Variants in FBXO34 observed in about 807,000 individuals in gnomAD.
The protein encoded by FBXO34 is F-box protein 34.
A neutral mutation model predicts 24.5 loss-of-function variants in FBXO34; 12 were observed. The observed-to-expected ratio is 0.49, with a 90% CI of 0.31 to 0.79. The LOEUF is 0.79. Among genes scored for constraint, FBXO34 ranks in the 30% least tolerant of loss-of-function variants. The probability of loss-of-function intolerance (pLI) is 0.04; values close to 1 mark genes in which losing one functional copy is unlikely to be tolerated. For missense variants in FBXO34, 823 were observed against 857.7 expected (o/e 0.96, Z 0.51); for synonymous variants, 320 against 311.9 (o/e 1.03, Z -0.27).
chr14:55,286,574 A>G (rs1881767767), intron 1 of FBXO34, among the ~76,000 whole-genome samples: 1 of 152,226 alleles, frequency 6.6e-6, no homozygotes, highest in Non-Finnish European at 1.5e-5. Flanking sequence ...TTATGGAATA[A>G]TACAGATAAC....
At chr14:55,338,443 G>C (rs1164909837) in intron 1 of FBXO34, among the ~76,000 whole-genome samples, 2 of 152,092 alleles carry the variant, frequency 1.3e-5, no homozygotes, top group Non-Finnish European at 2.9e-5. Flanking sequence ...TTGTAGATAA[G>C]AGTATGTACT....
At chr14:55,327,350 A>G (rs906338824) in intron 1 of FBXO34, among the ~76,000 whole-genome samples, 2 of 152,208 alleles carry the variant, frequency 1.3e-5, no homozygotes, top group Non-Finnish European at 2.9e-5. Context: ...AGGGTGTGGT[A>G]CAGAAAATGA....
chr14:55,304,246 A>C (rs1204940879), intron 1 of FBXO34, among the ~76,000 whole-genome samples: 1 of 152,186 alleles, frequency 6.6e-6, no homozygotes, highest in Non-Finnish European at 1.5e-5. Flanking sequence ...TGTACTTTTT[A>C]TGTTAGGAAT....
chr14:55,380,477 T>TAA, the FBXO34 span: 22 of 798,886 alleles, frequency 2.8e-5, no homozygotes, highest in African/African-American at 3.1e-4. Context: ...TGGTAATACT[T>TAA]ACATTCTTAT....
chr14:55,399,526 A>G, the FBXO34 span, among the ~76,000 whole-genome samples: 5 of 152,220 alleles, frequency 3.3e-5, no homozygotes, highest in Admixed American at 3.3e-4. Context: ...ATGTACCTGC[A>G]ACACAAAACA....
At chr14:55,353,669 G>C (rs1884470231), downstream of FBXO34, 1 of 166,822 alleles carries the variant, frequency 6.0e-6, no homozygotes. Flanking sequence ...GAAGGTTCTT[G>C]TGAATTGAAT....
At chr14:55,366,140 G>A (rs752930822), downstream of FBXO34, among the ~76,000 whole-genome samples, 13 of 152,092 alleles carry the variant, frequency 8.5e-5, no homozygotes, top group Non-Finnish European at 1.5e-4. Context: ...ATCAAATGAT[G>A]GCTACCAAAG....
chr14:55,409,995 G>GT, the FBXO34 span, among the ~76,000 whole-genome samples: 1 of 151,806 alleles, frequency 6.6e-6, no homozygotes, highest in South Asian at 2.1e-4. Context: ...GGGATTTGTT[G>GT]TAAGATAAGT....
the FBXO34 span, among the ~76,000 whole-genome samples, chr14:55,421,376 T>C: frequency 6.6e-6 from 1 of 152,210 alleles, no homozygotes. Flanking sequence ...TCTTAATTAC[T>C]CCAGACTCTA....
At chr14:55,362,478 G>T (rs1884605791), downstream of FBXO34, among the ~76,000 whole-genome samples, 1 of 152,118 alleles carries the variant, frequency 6.6e-6, no homozygotes, top group African/African-American at 2.4e-5. Context: ...CCTTCAATTT[G>T]TAAAAAACCC....
intron 1 of FBXO34, among the ~76,000 whole-genome samples, chr14:55,321,978 A>G (rs1883149025): frequency 1.3e-5 from 2 of 152,226 alleles, no homozygotes; most frequent in African/African-American, 2.4e-5. Flanking sequence ...AATAGCTGCA[A>G]AAAAATCTCT....
downstream of FBXO34, among the ~76,000 whole-genome samples, chr14:55,365,204 C>CT (rs1884653047): frequency 7.2e-6 from 1 of 139,754 alleles, no homozygotes; most frequent in Non-Finnish European, 1.5e-5. Context: ...AAGTGAGACT[C>CT]TATCATCTCT....
chr14:55,431,818 C>T, the FBXO34 span, among the ~76,000 whole-genome samples: 2 of 152,204 alleles, frequency 1.3e-5, no homozygotes, highest in Admixed American at 1.3e-4. Context: ...TTCAGTCCCT[C>T]AGTTGTATTA....
the FBXO34 span, among the ~76,000 whole-genome samples, chr14:55,429,989 A>G: frequency 2.0e-5 from 3 of 152,054 alleles, no homozygotes; most frequent in Non-Finnish European, 4.4e-5. Flanking sequence ...CTTCAATTCA[A>G]TTCAAACTCA....
rs1300740808 is a variant in FBXO34 at position 55,352,705 on chromosome 14, CTTG to C, written c.*185_*187del. ...TTACGAGCTGTACAAAAAAATTGGT[CTTG>C]TTGTTTATAGTGGCATCTCATGTTT... On this transcript the variant is annotated 3_prime_UTR_variant, in exon 2 of 2. Coordinates refer to ENST00000313833, the MANE Select transcript of FBXO34 (RefSeq NM_017943.4). 6.6e-6 allele frequency: 4 copies of C among 606,212 alleles called. No individual in the cohort carries two copies. The highest frequency in any genetic ancestry group is 3.7e-5 in the African/African-American group (2 of 53,804). The allele number at this position is 606,212 out of a possible 1,614,324, so 37.6% of individuals were successfully genotyped here. A position where few individuals can be genotyped will look rare whatever the true frequency, so the allele number is the denominator to read the frequency against.
chr14:55,402,942 TATATATATATATATATATATATATATAA>T, the FBXO34 span, among the ~76,000 whole-genome samples: 61 of 48,160 alleles, frequency 1.3e-3, 3 homozygotes, highest in Non-Finnish European at 2.1e-3. Flanking sequence ...TATATATATA[TATATATATATATATATATATATATATAA>T]ATAGCTGGGC....
intron 1 of FBXO34, chr14:55,285,692 A>T (rs1178760091): frequency 2.0e-5 from 3 of 152,198 alleles, no homozygotes; most frequent in African/African-American, 7.2e-5. Flanking sequence ...CTGCCAGCTC[A>T]TTTGTTGGTC....
At chr14:55,314,156 C>G (rs1213193335) in intron 1 of FBXO34, among the ~76,000 whole-genome samples, 1 of 152,062 alleles carries the variant, frequency 6.6e-6, no homozygotes, top group East Asian at 1.9e-4. Flanking sequence ...AGTGATCCTT[C>G]CAGTTAGGCC....
At chr14:55,388,116 G>A in the FBXO34 span, among the ~76,000 whole-genome samples, 3 of 152,200 alleles carry the variant, frequency 2.0e-5, no homozygotes, top group African/African-American at 4.8e-5. Flanking sequence ...CAGCCTGGGC[G>A]AAAGAGCGAG....
Sources: allele counts gnomAD v4.1 joint callset (sites outside exome capture counted in the v4.1 genomes callset), GRCh38; gene constraint gnomAD v4.1.1; transcripts MANE v1.5; gene names NCBI Gene and HGNC (gene_info 2026-07-23, HGNC 2026-07-21).